The following DCTN4 variants were observed in gnomAD, a reference collection of about 807,000 sequenced individuals.
DCTN4 encodes the protein dynactin 4 (p62).
In DCTN4, 23 loss-of-function variants were observed where a neutral mutation model predicts 62.7. The observed-to-expected ratio is 0.37, with a 90% CI of 0.26 to 0.52. The LOEUF (loss-of-function observed/expected upper bound fraction) is 0.52. Among genes scored for constraint, DCTN4 ranks in the 20% least tolerant of loss-of-function variants. DCTN4 has a pLI of 0.92. For missense variants in DCTN4, 514 were observed against 580.4 expected, an observed-to-expected ratio of 0.89 and a Z score of 1.18; for synonymous variants, 199 against 202.1, an observed-to-expected ratio of 0.98 and a Z score of 0.13.
At chr5:150,730,938 C>G in intron 7 of DCTN4, 106 bp downstream of exon 7, 1 of 787,166 alleles carries the variant, frequency 1.3e-6, no homozygotes, top group East Asian at 2.5e-5. Flanking sequence ...ATTGTTTTTA[C>G]TACTAACAGC....
intron 5 of DCTN4, chr5:150,731,983 C>T: frequency 2.3e-6 from 3 of 1,291,820 alleles, no homozygotes; most frequent in African/African-American, 1.5e-5. Context: ...ACGCATATAG[C>T]AGGCAGGTTA....
chr5:150,723,304 T>G (rs1052361166), intron 8 of DCTN4, among the ~76,000 whole-genome samples: 15 of 152,160 alleles, frequency 9.9e-5, no homozygotes, highest in Admixed American at 9.8e-4. Flanking sequence ...CACATCAACT[T>G]TATGAGCTAG....
chr5:150,726,773 T>C (rs866471702), intron 8 of DCTN4, among the ~76,000 whole-genome samples: 3 of 152,108 alleles, frequency 2.0e-5, no homozygotes, highest in Non-Finnish European at 4.4e-5. Context: ...ACTGAAAAAA[T>C]AGTCATTACC....
intron 4 of DCTN4, among the ~76,000 whole-genome samples, chr5:150,738,819 T>G (rs569595020): frequency 4.3e-4 from 66 of 152,284 alleles, no homozygotes; most frequent in Non-Finnish European, 8.1e-4. Flanking sequence ...GAAGTCAAAC[T>G]GTTGCTGTTT....
At chr5:150,739,041 C>T (rs939364578) in intron 4 of DCTN4, among the ~76,000 whole-genome samples, 1 of 151,942 alleles carries the variant, frequency 6.6e-6, no homozygotes, top group Admixed American at 6.6e-5. Context: ...TAAAAATATG[C>T]GTGGTAGCGG....
intron 5 of DCTN4, chr5:150,731,910 T>C (rs894103936): frequency 1.3e-6 from 2 of 1,551,586 alleles, no homozygotes; most frequent in Non-Finnish European, 1.7e-6. Context: ...TATGTTGCTG[T>C]AGAGCCCCAA....
intron 8 of DCTN4, among the ~76,000 whole-genome samples, chr5:150,725,194 A>G (rs1760099376): frequency 6.6e-6 from 1 of 151,420 alleles, no homozygotes; most frequent in African/African-American, 2.4e-5. Flanking sequence ...TCCCATATTA[A>G]CACATTCTTT....
chr5:150,712,176 C>T (rs1759593047), intron 12 of DCTN4, among the ~76,000 whole-genome samples: 1 of 152,200 alleles, frequency 6.6e-6, no homozygotes, highest in Non-Finnish European at 1.5e-5. Flanking sequence ...GTCACCCAGG[C>T]TGGAGTGCAG....
intron 4 of DCTN4, 23 bp from the exon 5 acceptor site, chr5:150,733,498 G>A (rs1048157367): frequency 4.5e-5 from 70 of 1,568,562 alleles, no homozygotes; most frequent in Non-Finnish European, 6.0e-5. Context: ...CACAGACTCA[G>A]TACACAAAAA....
At chr5:150,758,336 A>AT in intron 1 of DCTN4, 1 of 986,376 alleles carries the variant, frequency 1.0e-6, no homozygotes, top group Non-Finnish European at 1.2e-6. Context: ...CGCTTTTCAC[A>AT]TAACTCACGC....
intron 8 of DCTN4, among the ~76,000 whole-genome samples, chr5:150,725,092 A>G (rs1026848909): frequency 6.9e-6 from 1 of 144,922 alleles, no homozygotes; most frequent in Admixed American, 7.2e-5. Flanking sequence ...TGGGAGGTGG[A>G]GCTTGCAGTG....
intron 11 of DCTN4, 134 bp from the exon 12 acceptor site, chr5:150,715,796 T>C (rs1759737675): frequency 3.0e-6 from 2 of 673,494 alleles, no homozygotes; most frequent in Admixed American, 5.4e-5. Flanking sequence ...ATGGAGTTTA[T>C]AAGAACAAAG....
intron 3 of DCTN4, among the ~76,000 whole-genome samples, chr5:150,752,392 T>C (rs903548670): frequency 1.3e-5 from 2 of 152,218 alleles, no homozygotes; most frequent in African/African-American, 4.8e-5. Flanking sequence ...ATACCAATTT[T>C]TCTCTTTCAC....
At chr5:150,736,354 G>A (rs971643799) in intron 4 of DCTN4, 20 of 152,350 alleles carry the variant, frequency 1.3e-4, no homozygotes, top group African/African-American at 4.8e-4. Context: ...TAAGAGTTAT[G>A]AGGCAAAAAC....
At chr5:150,758,591 C>T in intron 1 of DCTN4, 1 of 1,202,114 alleles carries the variant, frequency 8.3e-7, no homozygotes, top group Non-Finnish European at 1.0e-6. Context: ...ATTACCAAGC[C>T]CCATCGCAGA....
chr5:150,745,281 A>C (rs1207333391), intron 3 of DCTN4, among the ~76,000 whole-genome samples: 1 of 150,778 alleles, frequency 6.6e-6, no homozygotes, highest in Non-Finnish European at 1.5e-5. Flanking sequence ...GAGCACCCAG[A>C]TTCATAAAGC....
chr5:150,718,868 G>C (rs1428146960), intron 10 of DCTN4, among the ~76,000 whole-genome samples: 1 of 151,948 alleles, frequency 6.6e-6, no homozygotes, highest in Non-Finnish European at 1.5e-5. Flanking sequence ...GCCCAGGCTG[G>C]AGTGCAGTGG....
At chr5:150,727,679 G>A (rs1392014277) in intron 8 of DCTN4, among the ~76,000 whole-genome samples, 5 of 149,896 alleles carry the variant, frequency 3.3e-5, no homozygotes, top group Non-Finnish European at 5.9e-5. Flanking sequence ...GGGAGGCTGA[G>A]GCAGGAGAAT....
At chr5:150,727,134 T>C (rs75591271) in intron 8 of DCTN4, among the ~76,000 whole-genome samples, 6,267 of 152,198 alleles carry the variant, frequency 0.041, 453 homozygotes, top group African/African-American at 0.14. Flanking sequence ...GCAGCTTTGA[T>C]TTATGAGACA....
Sources: gnomAD v4.1 joint callset for allele counts (sites outside exome capture counted in the v4.1 genomes callset) on GRCh38, gnomAD v4.1.1 for gene constraint, MANE v1.5 for transcripts, NCBI Gene and HGNC (gene_info 2026-07-23, HGNC 2026-07-21) for gene names.